CCSER1: variants seen among roughly 807,000 people sequenced by gnomAD.
CCSER1 encodes coiled-coil serine rich protein 1.
CCSER1 carries 41 observed loss-of-function variants against 82.0 expected under a neutral mutation model. The observed-to-expected ratio is 0.50, with a 90% CI of 0.39 to 0.65. The LOEUF (loss-of-function observed/expected upper bound fraction) is 0.65. Ranked by LOEUF, CCSER1 falls within the 30% of genes least tolerant of loss-of-function variation. The probability of loss-of-function intolerance (pLI) is 0.00; values close to 1 mark genes in which losing one functional copy is unlikely to be tolerated. For synonymous variants in CCSER1, 414 were observed against 383.9 expected (o/e 1.08, Z -0.92); for missense variants, 1,119 against 1,064.2 (o/e 1.05, Z -0.72).
intron 9 of CCSER1, among the ~76,000 whole-genome samples, chr4:91,062,391 A>G (rs528689081): frequency 1.3e-5 from 2 of 152,162 alleles, no homozygotes; most frequent in East Asian, 1.9e-4. Context: ...GATCTGGCTC[A>G]TTGTACAGAT....
At chr4:90,819,915 G>A (rs1266049320) in intron 8 of CCSER1, among the ~76,000 whole-genome samples, 1 of 152,202 alleles carries the variant, frequency 6.6e-6, no homozygotes, top group Non-Finnish European at 1.5e-5. Context: ...GGGATTATGT[G>A]CTAGGGAAAC....
chr4:90,408,356 C>T (rs1342859525), intron 4 of CCSER1, among the ~76,000 whole-genome samples: 6 of 152,188 alleles, frequency 3.9e-5, no homozygotes, highest in Admixed American at 2.0e-4. Context: ...CCCTGACCCC[C>T]GAGTAGCCTA....
intron 1 of CCSER1, among the ~76,000 whole-genome samples, chr4:90,280,992 T>A (rs1002575242): frequency 6.6e-6 from 1 of 152,036 alleles, no homozygotes; most frequent in African/African-American, 2.4e-5. Flanking sequence ...GAAATCATAC[T>A]GACATTTTCA....
rs569131685 is a variant in CCSER1 at position 91,563,179 on chromosome 4, C to T, written c.2218-35393C>T. Among the ~76,000 whole-genome samples, 5 of 151,690 alleles carry T rather than the reference C, an allele frequency of 3.3e-5. No homozygotes were observed. In the East Asian group the frequency reaches 9.7e-4, roughly 29 times the overall value. ...ATACTTCCAAGCTCATTTTACAAGG[C>T]CAGCATTACCCTAATACTAAAGTCA... On this transcript the variant is annotated intron_variant, in intron 10 of 10. Coordinates refer to ENST00000509176, the MANE Select transcript of CCSER1 (RefSeq NM_001145065.2).
intron 9 of CCSER1, among the ~76,000 whole-genome samples, chr4:91,039,701 G>A (rs1011408340): frequency 8.1e-6 from 1 of 122,876 alleles, no homozygotes; most frequent in Non-Finnish European, 1.8e-5. Flanking sequence ...TCTAAAATGT[G>A]TATATATATG....
intron 10 of CCSER1, among the ~76,000 whole-genome samples, chr4:91,288,929 GCCT>G (rs1226286611): frequency 2.0e-5 from 3 of 151,974 alleles, no homozygotes; most frequent in African/African-American, 7.2e-5. Flanking sequence ...AAGAGAGAAT[GCCT>G]CCCTTCTTGT....
At chr4:91,154,309 C>G (rs1158092835) in intron 10 of CCSER1, among the ~76,000 whole-genome samples, 1 of 152,050 alleles carries the variant, frequency 6.6e-6, no homozygotes, top group Non-Finnish European at 1.5e-5. Context: ...ACCCTCTGAG[C>G]CAGGCACGGG....
chr4:91,335,630 A>C (rs6853438), intron 10 of CCSER1, among the ~76,000 whole-genome samples: 37,518 of 152,036 alleles, frequency 0.25, 4,917 homozygotes, highest in Middle Eastern at 0.42. Flanking sequence ...AACATGAATA[A>C]GGAGAGAAAA....
intron 10 of CCSER1, among the ~76,000 whole-genome samples, chr4:91,166,146 A>G (rs922325828): frequency 6.6e-5 from 10 of 152,364 alleles, no homozygotes; most frequent in East Asian, 3.9e-4. Context: ...AAGTGAGGCA[A>G]TCTTTAATAA....
At chr4:90,452,784 C>T (rs933303509) in intron 4 of CCSER1, among the ~76,000 whole-genome samples, 1 of 152,144 alleles carries the variant, frequency 6.6e-6, no homozygotes, top group African/African-American at 2.4e-5. Flanking sequence ...CTGCAGAATA[C>T]TGTAGTGCCC....
At chr4:91,170,038 C>A (rs1732588719) in intron 10 of CCSER1, among the ~76,000 whole-genome samples, 1 of 152,162 alleles carries the variant, frequency 6.6e-6, no homozygotes, top group South Asian at 2.1e-4. Flanking sequence ...TCCTTTTTGA[C>A]TTTCATATAT....
At chr4:90,267,354 G>T (rs1034479022) in intron 1 of CCSER1, among the ~76,000 whole-genome samples, 1 of 152,032 alleles carries the variant, frequency 6.6e-6, no homozygotes, top group African/African-American at 2.4e-5. Flanking sequence ...GATTCCTAAG[G>T]TTTCTGACTA....
intron 4 of CCSER1, among the ~76,000 whole-genome samples, chr4:90,411,611 G>T (rs1328259611): frequency 6.6e-6 from 1 of 152,158 alleles, no homozygotes; most frequent in Non-Finnish European, 1.5e-5. Context: ...AGGTATTGAT[G>T]GGATGTATCT....
intron 8 of CCSER1, among the ~76,000 whole-genome samples, chr4:90,917,151 C>T (rs1401332965): frequency 1.3e-5 from 2 of 152,110 alleles, no homozygotes; most frequent in Non-Finnish European, 2.9e-5. Context: ...TTGACCCAGC[C>T]ATCCCATTAC....
At chr4:90,785,176 G>A (rs1178674733) in intron 7 of CCSER1, among the ~76,000 whole-genome samples, 2 of 152,184 alleles carry the variant, frequency 1.3e-5, no homozygotes, top group East Asian at 1.9e-4. Context: ...ATATGGGACT[G>A]CAGGGATGTA....
At chr4:90,543,693 G>T (rs1776389599) in intron 5 of CCSER1, among the ~76,000 whole-genome samples, 1 of 152,114 alleles carries the variant, frequency 6.6e-6, no homozygotes, top group South Asian at 2.1e-4. Context: ...TCACAAGAAT[G>T]TCTGATATTA....
chr4:90,395,298 G>T (rs1751788961), intron 3 of CCSER1, among the ~76,000 whole-genome samples: 1 of 152,208 alleles, frequency 6.6e-6, no homozygotes, highest in South Asian at 2.1e-4. Context: ...ACATGTTACA[G>T]TGATCCAAAA....
chr4:90,704,300 C>G (rs1353230053), intron 6 of CCSER1, among the ~76,000 whole-genome samples: 1 of 152,150 alleles, frequency 6.6e-6, no homozygotes, highest in South Asian at 2.1e-4. Context: ...TGAATATTGG[C>G]CCCTACTCTC....
At chr4:90,976,433 A>G (rs1182616715) in intron 9 of CCSER1, among the ~76,000 whole-genome samples, 1 of 151,148 alleles carries the variant, frequency 6.6e-6, no homozygotes, top group Non-Finnish European at 1.5e-5. Flanking sequence ...CAAATGACAT[A>G]TTTTGCTGTT....
Sources: gnomAD v4.1 joint callset for allele counts (sites outside exome capture counted in the v4.1 genomes callset) on GRCh38, gnomAD v4.1.1 for gene constraint, MANE v1.5 for transcripts, NCBI Gene and HGNC (gene_info 2026-07-23, HGNC 2026-07-21) for gene names.